RGS7: variants seen among roughly 807,000 people sequenced by gnomAD.
RGS7 encodes regulator of G protein signaling 7, also known as regulator of G-protein signaling 7.
Under a neutral mutation model 81.1 loss-of-function variants are expected in RGS7, and 27 were observed. The observed-to-expected ratio is 0.33, with a 90% confidence interval of 0.25 to 0.46. RGS7 has a LOEUF of 0.46. Ranked by LOEUF, RGS7 falls within the 20% of genes least tolerant of loss-of-function variation. The probability of loss-of-function intolerance (pLI) is 1.00; values close to 1 mark genes in which losing one functional copy is unlikely to be tolerated. For missense variants in RGS7, 396 were observed against 607.4 expected, an observed-to-expected ratio of 0.65 and a Z score of 3.66; for synonymous variants, 208 against 207.7, an observed-to-expected ratio of 1.00 and a Z score of -0.01.
intron 2 of RGS7, among the ~76,000 whole-genome samples, chr1:241,327,130 GAAAGAAAGAAAGA>G (rs1558321615): frequency 2.9e-5 from 3 of 101,942 alleles, no homozygotes; most frequent in South Asian, 3.6e-4. Flanking sequence ...AAGAAAGAAA[GAAAGAAAGAAAGA>G]AAGGAAAGAA....
chr1:241,077,622 C>T (rs1320124348), intron 3 of RGS7, among the ~76,000 whole-genome samples: 1 of 152,206 alleles, frequency 6.6e-6, no homozygotes, highest in Non-Finnish European at 1.5e-5. Context: ...ACTTCTTCAG[C>T]CCTCCAGCGA....
intron 3 of RGS7, among the ~76,000 whole-genome samples, chr1:241,010,829 G>A (rs2058922196): frequency 6.6e-6 from 1 of 152,120 alleles, no homozygotes; most frequent in Non-Finnish European, 1.5e-5. Flanking sequence ...TGTCTCTGGT[G>A]GAAGAGGTGA....
At chr1:240,857,570 C>CT in intron 9 of RGS7, among the ~76,000 whole-genome samples, 1 of 152,174 alleles carries the variant, frequency 6.6e-6, no homozygotes, top group South Asian at 2.1e-4. Flanking sequence ...AACCCTTCAT[C>CT]TTTTTCCTGT....
At chr1:240,985,382 A>G (rs1023627773) in intron 3 of RGS7, among the ~76,000 whole-genome samples, 5 of 152,198 alleles carry the variant, frequency 3.3e-5, no homozygotes, top group Non-Finnish European at 7.3e-5. Context: ...GACTTGAAAA[A>G]TGCTCTTAGA....
chr1:241,161,693 C>A (rs544140025), intron 2 of RGS7, among the ~76,000 whole-genome samples: 18 of 149,592 alleles, frequency 1.2e-4, no homozygotes, highest in African/African-American at 4.4e-4. Context: ...TACATTACAT[C>A]TCATGTAATC....
chr1:241,289,331 CT>C (rs2078977111), intron 2 of RGS7, among the ~76,000 whole-genome samples: 1 of 152,182 alleles, frequency 6.6e-6, no homozygotes. Flanking sequence ...CAAATGCCCA[CT>C]CATTATTCAA....
At chr1:241,234,208 T>TACTTGG (rs2075808190) in intron 2 of RGS7, among the ~76,000 whole-genome samples, 1 of 152,242 alleles carries the variant, frequency 6.6e-6, no homozygotes, top group Admixed American at 6.5e-5. Flanking sequence ...TTTAACTAAC[T>TACTTGG]ACTTACATGT....
chr1:240,973,557 C>T (rs1683592615), intron 4 of RGS7, among the ~76,000 whole-genome samples: 1 of 152,020 alleles, frequency 6.6e-6, no homozygotes, highest in Admixed American at 6.6e-5. Flanking sequence ...GCATAAAACA[C>T]TTTATAAGTC....
At chr1:240,822,839 A>T (rs1390740887) in intron 10 of RGS7, among the ~76,000 whole-genome samples, 1 of 152,232 alleles carries the variant, frequency 6.6e-6, no homozygotes, top group Non-Finnish European at 1.5e-5. Flanking sequence ...TATGGTAACT[A>T]CACTGTACTG....
chr1:240,797,690 G>C (rs1687307968), intron 18 of RGS7, among the ~76,000 whole-genome samples: 1 of 152,124 alleles, frequency 6.6e-6, no homozygotes, highest in Admixed American at 6.5e-5. Context: ...AGTGGTGTCA[G>C]ATTTGATGAT....
intron 18 of RGS7, among the ~76,000 whole-genome samples, chr1:240,793,611 A>ATATATATATATATATATATATTTT: frequency 1.0e-4 from 8 of 78,798 alleles, no homozygotes; most frequent in East Asian, 6.5e-4. Context: ...ATATATATAT[A>ATATATATATATATATATATATTTT]TTTTTTTTTT....
At position 241,060,656 on chromosome 1, in the gene RGS7, G is replaced by C. The variant is rs76204417; in HGVS notation, c.175+38010C>G. Among the ~76,000 whole-genome samples the C allele has an allele frequency of 4.8e-3, 733 of 152,180 alleles. 6 individuals carry two copies. The highest frequency in any genetic ancestry group is 0.018 in the Admixed American group (272 of 15,282). On this transcript the variant is annotated intron_variant, in intron 3 of 18. Coordinates refer to ENST00000440928, the MANE Select transcript of RGS7 (RefSeq NM_001364886.1). ...TCTATGAGACGTATCATTGCTATAA[G>C]GTTAATGATAGTTATAGGGCCCAGT... is the stretch of plus-strand genomic sequence containing the variant.
At chr1:240,930,619 G>T (rs1675276758) in intron 6 of RGS7, 98 bp downstream of exon 6, 1 of 1,130,384 alleles carries the variant, frequency 8.8e-7, no homozygotes, top group Non-Finnish European at 1.3e-6. Context: ...TGAGAACTGT[G>T]GTTTCCTTTT....
chr1:241,003,141 T>A, intron 3 of RGS7, among the ~76,000 whole-genome samples: 1 of 152,196 alleles, frequency 6.6e-6, no homozygotes, highest in East Asian at 1.9e-4. Flanking sequence ...ATACTTATTT[T>A]ATCATTGCTT....
chr1:240,800,869 A>AG (rs1274049853), intron 17 of RGS7, 148 bp from the exon 18 acceptor site: 2 of 436,640 alleles, frequency 4.6e-6, no homozygotes, highest in Non-Finnish European at 8.2e-6. Context: ...AAACACTGGT[A>AG]GGAAAACTAC....
intron 2 of RGS7, among the ~76,000 whole-genome samples, chr1:241,112,955 T>C (rs1327510242): frequency 6.6e-6 from 1 of 152,252 alleles, no homozygotes; most frequent in Admixed American, 6.5e-5. Flanking sequence ...CACCTCCTTC[T>C]GGCTAGTCCA....
chr1:241,121,328 G>A (rs1014358194), intron 2 of RGS7, among the ~76,000 whole-genome samples: 1 of 152,184 alleles, frequency 6.6e-6, no homozygotes, highest in African/African-American at 2.4e-5. Flanking sequence ...TTTTGCAGGA[G>A]AATTTCAAGG....
chr1:241,089,077 A>C lies in RGS7; in HGVS notation c.175+9589T>G, dbSNP rs1165905144. 2.0e-3 allele frequency among the ~76,000 whole-genome samples: 174 copies of C among 87,008 alleles called. 3 individuals are homozygous for C. The highest frequency in any genetic ancestry group is 3.8e-3 in the South Asian group (11 of 2,932). 57.1% of individuals were successfully genotyped at this position (87,008 alleles called of 152,430 possible). A position where few individuals can be genotyped will look rare whatever the true frequency, so the allele number is the denominator to read the frequency against. On this transcript the variant is annotated intron_variant, in intron 3 of 18. Transcript: ENST00000440928. ...TCTCTCTCTCTCTATATATATATAT[A>C]TATATATATATATATATATACTGGC...
At chr1:241,020,829 G>A (rs1367455166) in intron 3 of RGS7, among the ~76,000 whole-genome samples, 1 of 152,170 alleles carries the variant, frequency 6.6e-6, no homozygotes, top group Non-Finnish European at 1.5e-5. Flanking sequence ...GTGCCAGACA[G>A]TCAAGAAAAC....
Sources: gnomAD v4.1 joint callset for allele counts (sites outside exome capture counted in the v4.1 genomes callset) on GRCh38, gnomAD v4.1.1 for gene constraint, MANE v1.5 for transcripts, NCBI Gene and HGNC (gene_info 2026-07-23, HGNC 2026-07-21) for gene names.